Variants in ACOXL observed in about 807,000 individuals in gnomAD.
ACOXL encodes acyl-CoA oxidase like.
Under a neutral mutation model 71.9 loss-of-function variants are expected in ACOXL, and 70 were observed. The ratio of observed to expected loss-of-function variants is 0.97; its 90% CI spans 0.80 to 1.19. The LOEUF is 1.19. ACOXL is among the 50% of genes most tolerant of loss of function. The pLI is 0.00. For synonymous variants in ACOXL, 253 were observed against 281.6 expected, an observed-to-expected ratio of 0.90 and a Z score of 1.02; for missense variants, 703 against 736.3, an observed-to-expected ratio of 0.95 and a Z score of 0.52.
chr2:111,064,484 C>T lies in ACOXL; in HGVS notation c.1440+15196C>T, dbSNP rs186599187. Among the ~76,000 whole-genome samples, 4 of 149,114 alleles carry T rather than the reference C, an allele frequency of 2.7e-5. No homozygotes were observed. The East Asian group carries it at 7.9e-4, about 29-fold the overall frequency. ...ACAACTATATAGTATTTGCATATAA[C>T]TTATGCACAAAGATACCTACTTTGT... On this transcript the variant is annotated intron_variant, in intron 16 of 17. Transcript: ENST00000439055.
At chr2:111,075,324 T>C (rs1001836121) in intron 16 of ACOXL, among the ~76,000 whole-genome samples, 3 of 152,156 alleles carry the variant, frequency 2.0e-5, no homozygotes, top group African/African-American at 4.8e-5. Flanking sequence ...CTTGGTAACA[T>C]GAAATATTCA....
intron 10 of ACOXL, among the ~76,000 whole-genome samples, chr2:110,843,660 C>T (rs1474759165): frequency 6.6e-6 from 1 of 152,196 alleles, no homozygotes; most frequent in Non-Finnish European, 1.5e-5. Flanking sequence ...GTCTGTTGTA[C>T]ATGAGCTTGC....
chr2:110,736,132 CA>C (rs1338227148), intron 1 of ACOXL, among the ~76,000 whole-genome samples: 1 of 152,208 alleles, frequency 6.6e-6, no homozygotes, highest in Non-Finnish European at 1.5e-5. Flanking sequence ...ATTTCATGAA[CA>C]CGTTCTCACT....
intron 9 of ACOXL, among the ~76,000 whole-genome samples, chr2:110,838,819 G>T (rs1352168860): frequency 6.6e-6 from 1 of 152,180 alleles, no homozygotes; most frequent in African/African-American, 2.4e-5. Flanking sequence ...CCTGGAAGTG[G>T]GTTCCCACAT....
At chr2:110,810,720 C>G (rs1687221218) in intron 9 of ACOXL, among the ~76,000 whole-genome samples, 1 of 152,208 alleles carries the variant, frequency 6.6e-6, no homozygotes, top group African/African-American at 2.4e-5. Context: ...ACTCTGAACA[C>G]AAGAGTAATC....
At chr2:110,750,578 C>CAT (rs1210253961) in intron 1 of ACOXL, among the ~76,000 whole-genome samples, 1 of 148,502 alleles carries the variant, frequency 6.7e-6, no homozygotes, top group African/African-American at 2.5e-5. Flanking sequence ...TATATATATA[C>CAT]ATATATATAC....
chr2:111,117,805 G>T lies in ACOXL; in HGVS notation c.1732G>T (p.Ala578Ser), dbSNP rs768905536. The change falls in exon 18 of 18, where the codon GCC becomes TCC. Residue 578 changes from alanine to serine, a missense_variant. Transcript: ENST00000439055. ...GCGCTCCCGGCGGCCCAAGCTGGGA[G>T]CCAAGCTCTAACGGGTGTGGCGGGA... ...EARSRRPKLG[A>S]KL 7.8e-6 allele frequency: 12 copies of T among 1,547,298 alleles called. No individual in the cohort carries two copies. The highest frequency in any genetic ancestry group is 3.5e-4 in the Middle Eastern group (2 of 5,650).
chr2:110,886,058 T>A (rs1212915636), intron 10 of ACOXL, among the ~76,000 whole-genome samples: 2 of 152,228 alleles, frequency 1.3e-5, no homozygotes, highest in African/African-American at 2.4e-5. Context: ...AGAAGTATAT[T>A]TTTGGGATTT....
chr2:110,751,024 C>T (rs929512960), intron 1 of ACOXL, among the ~76,000 whole-genome samples: 21 of 151,574 alleles, frequency 1.4e-4, no homozygotes, highest in Non-Finnish European at 2.7e-4. Context: ...TGCGGCTGGG[C>T]GCGGTGGCTC....
At chr2:111,057,330 G>A (rs572543731) in intron 16 of ACOXL, among the ~76,000 whole-genome samples, 62 of 152,306 alleles carry the variant, frequency 4.1e-4, no homozygotes, top group African/African-American at 1.4e-3. Context: ...CCTTCCCAGG[G>A]GAGGGGTATC....
intron 9 of ACOXL, among the ~76,000 whole-genome samples, chr2:110,827,728 T>G (rs1264699384): frequency 6.6e-6 from 1 of 151,616 alleles, no homozygotes; most frequent in Non-Finnish European, 1.5e-5. Flanking sequence ...CAGCTGACCC[T>G]GGAAAGGAAG....
rs1574741735 is a variant in ACOXL at position 111,093,744 on chromosome 2, G to C, written c.1542+778G>C. On this transcript the variant is annotated intron_variant, in intron 17 of 17. Coordinates refer to ENST00000439055, the MANE Select transcript of ACOXL (RefSeq NM_001142807.4). ...CTGGGCGTGGTGGCATGTGGCTGTAGTCCCAGCTACTCGGGAGGCTGAGGC... is the reference window on the plus strand; with the variant it reads ...CTGGGCGTGGTGGCATGTGGCTGTACTCCCAGCTACTCGGGAGGCTGAGGC... 8 of 462,340 alleles carry C rather than the reference G, an allele frequency of 1.7e-5. No individual in the cohort carries two copies. In the South Asian group the frequency reaches 2.4e-4, roughly 14 times the overall value. The allele number at this position is 462,340 out of a possible 1,614,324, so 28.6% of individuals were successfully genotyped here. A position where few individuals can be genotyped will look rare whatever the true frequency, so the allele number is the denominator to read the frequency against.
chr2:111,102,955 CTGGGGGACTCAAAG>C (rs1349519547), intron 17 of ACOXL, among the ~76,000 whole-genome samples: 2 of 152,134 alleles, frequency 1.3e-5, no homozygotes, highest in Non-Finnish European at 2.9e-5. Flanking sequence ...CTTCCCTTCT[CTGGGGGACTCAAAG>C]TGTTTGGTAC....
rs1014239667 is a variant in ACOXL, at chr2:110,967,781, G to T, written c.1060-19327G>T. 109 of 667,926 alleles carry T rather than the reference G, an allele frequency of 1.6e-4. No homozygotes were observed. The African/African-American group carries it at 1.8e-3, about 11-fold the overall frequency. 41.4% of individuals were successfully genotyped at this position (667,926 alleles called of 1,614,324 possible). A position where few individuals can be genotyped will look rare whatever the true frequency, so the allele number is the denominator to read the frequency against. ...ATGAAAGAACTGAAAAACAGGCACT[G>T]CTGGGCCTGCAGGTCTCTGTTGAGC... On this transcript the variant is annotated intron_variant, in intron 12 of 17. Transcript: ENST00000439055.
intron 2 of ACOXL, among the ~76,000 whole-genome samples, chr2:110,776,650 G>T (rs1682689004): frequency 6.6e-6 from 1 of 152,088 alleles, no homozygotes; most frequent in Non-Finnish European, 1.5e-5. Context: ...CAGTCACCAT[G>T]TGGTGTGAGC....
At chr2:110,896,686 T>C (rs1269024299) in intron 10 of ACOXL, among the ~76,000 whole-genome samples, 2 of 152,104 alleles carry the variant, frequency 1.3e-5, no homozygotes, top group African/African-American at 2.4e-5. Context: ...GATACAGTAA[T>C]CTTAAATGTC....
At chr2:110,901,764 A>T (rs2059243865) in intron 10 of ACOXL, among the ~76,000 whole-genome samples, 1 of 151,936 alleles carries the variant, frequency 6.6e-6, no homozygotes, top group Non-Finnish European at 1.5e-5. Flanking sequence ...GGTGGCTCAC[A>T]CCTGTAATCC....
chr2:110,846,816 T>C (rs1691947366), intron 10 of ACOXL, among the ~76,000 whole-genome samples: 2 of 151,876 alleles, frequency 1.3e-5, no homozygotes, highest in African/African-American at 4.8e-5. Context: ...TGTGTGTGTC[T>C]TCATATGAGC....
intron 14 of ACOXL, among the ~76,000 whole-genome samples, chr2:111,002,619 G>A (rs2063688051): frequency 6.6e-6 from 1 of 152,276 alleles, no homozygotes; most frequent in South Asian, 2.1e-4. Context: ...TACTTTTCCA[G>A]CATGGTATTA....
Sources: allele counts gnomAD v4.1 joint callset (sites outside exome capture counted in the v4.1 genomes callset), GRCh38; gene constraint gnomAD v4.1.1; transcripts MANE v1.5; gene names NCBI Gene and HGNC (gene_info 2026-07-23, HGNC 2026-07-21).